Variants in TTL observed in about 807,000 individuals in gnomAD.
TTL encodes tubulin tyrosine ligase, also known as tubulin--tyrosine ligase.
Under a neutral mutation model 41.1 loss-of-function variants are expected in TTL, and 10 were observed. That is an observed-to-expected ratio of 0.24 (90% CI 0.15 to 0.41). The LOEUF (loss-of-function observed/expected upper bound fraction) is 0.41, where lower values mean the gene tolerates loss of function less well. TTL is among the 10% of genes least tolerant of loss of function. The probability of loss-of-function intolerance (pLI) is 1.00; values close to 1 mark genes in which losing one functional copy is unlikely to be tolerated. For synonymous variants in TTL, 175 were observed against 175.5 expected (o/e 1.00, Z 0.02); for missense variants, 367 against 460.4 (o/e 0.80, Z 1.86).
Position 112,541,095 on chromosome 2 carries a change from ACATCT to A in TTL, c.*12304_*12308del, listed in dbSNP as rs1682719464. 1 of 152,196 alleles carries A rather than the reference ACATCT, an allele frequency of 6.6e-6. No individual in the cohort carries two copies. The highest frequency in any genetic ancestry group is 2.1e-4 in the South Asian group (1 of 4,836). 9.4% of individuals were successfully genotyped at this position (152,196 alleles called of 1,614,324 possible). On this transcript the variant is annotated 3_prime_UTR_variant, in exon 7 of 7. Coordinates refer to ENST00000233336, the MANE Select transcript of TTL (RefSeq NM_153712.5). Reference sequence around the variant, plus strand: ...GATTACATCGTATGCCTATATGAAAACATCTCATATACCTCATAAATATGCTAATT... The same window carrying A: ...GATTACATCGTATGCCTATATGAAAACATATACCTCATAAATATGCTAATT...
chr2:112,517,156 CAAAAAAAAAAAA>C lies in TTL; in HGVS notation c.876-3114_876-3103del, dbSNP rs33990458. On this transcript the variant is annotated intron_variant, in intron 5 of 6. Transcript: ENST00000233336. ...TGTATTATTAATCTTGAGCTTTCAG[CAAAAAAAAAAAA>C]AAAAAAAAAAATTAGTTTTGATTTG... Among the ~76,000 whole-genome samples the C allele has an allele frequency of 1.6e-3, 174 of 105,614 alleles. 1 individual carries two copies. Among genetic ancestry groups the C allele is most frequent in the African/African-American group, 5.5e-3 (157 of 28,478 alleles). The allele number at this position is 105,614 out of a possible 152,430, so 69.3% of individuals were successfully genotyped here.
Position 112,532,581 on chromosome 2 carries a change from A to C in TTL, c.*3786A>C. The stretch of plus-strand genomic sequence containing the variant: ...CAGTGAACCATGTTCACACCACTGT[A>C]CTCTAGCTTGAGCAACAGAGCAAGA... On this transcript the variant is annotated 3_prime_UTR_variant, in exon 7 of 7. Coordinates refer to ENST00000233336, the MANE Select transcript of TTL (RefSeq NM_153712.5). 1 of 194,312 alleles carries C rather than the reference A, an allele frequency of 5.1e-6. No homozygotes were observed. Among genetic ancestry groups the C allele is most frequent in the Non-Finnish European group, 1.1e-5 (1 of 93,102 alleles). 12.0% of individuals were successfully genotyped at this position (194,312 alleles called of 1,614,324 possible). A position where few individuals can be genotyped will look rare whatever the true frequency, so the allele number is the denominator to read the frequency against.
rs1018002340 is a variant in TTL at position 112,541,166 on chromosome 2, A to G, written c.*12371A>G. 1.2e-4 allele frequency: 18 copies of G among 152,122 alleles called. No homozygotes were observed. The highest frequency in any genetic ancestry group is 4.3e-4 in the African/African-American group (18 of 41,396). The allele number at this position is 152,122 out of a possible 1,614,324, so 9.4% of individuals were successfully genotyped here. A position where few individuals can be genotyped will look rare whatever the true frequency, so the allele number is the denominator to read the frequency against. ...TTTTTTTAAATCCTCATGACCTTGG[A>G]TTACACAATGATGTCTTAGATATGA... On this transcript the variant is annotated 3_prime_UTR_variant, in exon 7 of 7. Coordinates refer to ENST00000233336, the MANE Select transcript of TTL (RefSeq NM_153712.5).
chr2:112,510,124 A>T (rs950319773), intron 5 of TTL, among the ~76,000 whole-genome samples: 1 of 151,356 alleles, frequency 6.6e-6, no homozygotes, highest in Non-Finnish European at 1.5e-5. Context: ...CTCTTTTTCT[A>T]GTTGTGCTTT....
intron 5 of TTL, among the ~76,000 whole-genome samples, chr2:112,510,784 CT>C (rs1157272080): frequency 9.2e-5 from 14 of 152,276 alleles, no homozygotes; most frequent in African/African-American, 3.4e-4. Context: ...ACAGATTTTG[CT>C]GTTTTCATTT....
intron 6 of TTL, among the ~76,000 whole-genome samples, chr2:112,527,055 T>G (rs915330069): frequency 2.0e-5 from 3 of 152,324 alleles, no homozygotes; most frequent in Admixed American, 2.0e-4. Context: ...ACCCAGTAGT[T>G]ATTCAGGAGC....
rs1374776833 is a variant in TTL at position 112,529,062 on chromosome 2, T to A, written c.*267T>A. Reference sequence around the variant, plus strand: ...AAGGCAGCTTTGTGAGCAGAGCTCCTTCCCCTCTCCCCGGGAACGGCAGGG... The same window carrying A: ...AAGGCAGCTTTGTGAGCAGAGCTCCATCCCCTCTCCCCGGGAACGGCAGGG... On this transcript the variant is annotated 3_prime_UTR_variant, in exon 7 of 7. Transcript: ENST00000233336. The A allele has an allele frequency of 3.9e-6, 2 of 507,878 alleles. No individual in the cohort carries two copies. The highest frequency in any genetic ancestry group is 6.6e-5 in the Admixed American group (2 of 30,362). The allele number at this position is 507,878 out of a possible 1,614,324, so 31.5% of individuals were successfully genotyped here. A position where few individuals can be genotyped will look rare whatever the true frequency, so the allele number is the denominator to read the frequency against.
At chr2:112,485,415 C>T (rs1297649781) in intron 1 of TTL, among the ~76,000 whole-genome samples, 2 of 152,236 alleles carry the variant, frequency 1.3e-5, no homozygotes, top group Non-Finnish European at 2.9e-5. Flanking sequence ...GACATGGCCT[C>T]TCCACTACCT....
At chr2:112,525,189 T>C (rs2104477609) in intron 6 of TTL, among the ~76,000 whole-genome samples, 1 of 152,374 alleles carries the variant, frequency 6.6e-6, no homozygotes, top group African/African-American at 2.4e-5. Flanking sequence ...TTTTGGTTAC[T>C]GTAGCCTTGT....
chr2:112,485,706 A>G (rs961189495), intron 1 of TTL, among the ~76,000 whole-genome samples: 4 of 152,226 alleles, frequency 2.6e-5, no homozygotes, highest in African/African-American at 9.6e-5. Context: ...TACGATGTTG[A>G]TATAATATCC....
At position 112,520,385 on chromosome 2, in the gene TTL, G is replaced by T; in HGVS notation, c.979G>T (p.Val327Leu). 6.2e-7 allele frequency: 1 copy of T among 1,614,138 alleles called. No individual in the cohort carries two copies. The highest frequency in any genetic ancestry group is 8.5e-7 in the Non-Finnish European group (1 of 1,180,040). The change falls in exon 6 of 7, where the codon GTG becomes TTG. Residue 327 changes from valine to leucine, a missense_variant. Physicochemically the swap from Val to Leu is conservative, Grantham distance 32 (BLOSUM62 1). Transcript: ENST00000233336. Reference protein sequence around the residue: ...FDFMVDEELKVWLIEVNGAPA... With the variant: ...FDFMVDEELKLWLIEVNGAPA... ...CTTCATGGTCGATGAGGAGCTGAAGGTGTGGCTCATTGAGGTCAACGGTGC... is the reference window on the plus strand; with the variant it reads ...CTTCATGGTCGATGAGGAGCTGAAGTTGTGGCTCATTGAGGTCAACGGTGC...
chr2:112,501,883 A>G (rs2104458429), intron 4 of TTL, among the ~76,000 whole-genome samples: 1 of 138,066 alleles, frequency 7.2e-6, no homozygotes, highest in Non-Finnish European at 1.6e-5. Context: ...AAAAAAAAAA[A>G]AATCTTTTCT....
At position 112,502,951 on chromosome 2, in the gene TTL, C is replaced by G; in HGVS notation, c.645C>G (p.Leu215=). ...TGGATCATCAGTATAATATCTACCT[C>G]TATAGAGAGGGTGTGCTTCGGACTG... The part of the protein sequence containing the change: ...VLVDHQYNIY[L]YREGVLRTAS... Residue 215 remains leucine, a synonymous_variant, in exon 5 of 7, where the codon CTC becomes CTG. Coordinates refer to ENST00000233336, the MANE Select transcript of TTL (RefSeq NM_153712.5). 1 of 1,614,008 alleles carries G rather than the reference C, an allele frequency of 6.2e-7. No individual in the cohort carries two copies. The highest frequency in any genetic ancestry group is 1.1e-5 in the South Asian group (1 of 91,072).
chr2:112,498,996 C>T (rs1308010336), intron 3 of TTL, among the ~76,000 whole-genome samples: 1 of 151,636 alleles, frequency 6.6e-6, no homozygotes, highest in Non-Finnish European at 1.5e-5. Flanking sequence ...GTACTTAATA[C>T]ACTGTAGTAT....
At chr2:112,489,444 G>T (rs143641865) in intron 2 of TTL, among the ~76,000 whole-genome samples, 1 of 152,236 alleles carries the variant, frequency 6.6e-6, no homozygotes, top group East Asian at 1.9e-4. Flanking sequence ...TTTTCTAGAA[G>T]AATTGATTTG....
In TTL at chr2:112,534,602, C is replaced by G. The variant is rs1473722616; in HGVS notation, c.*5807C>G. On this transcript the variant is annotated 3_prime_UTR_variant, in exon 7 of 7. Transcript: ENST00000233336. ...TAGGTCTTGTCTTTATTTGATGTGA[C>G]TAAGAGGTTACCCAGTGTGAACAAC... 1.3e-5 allele frequency: 2 copies of G among 152,140 alleles called. No homozygotes were observed. The highest frequency in any genetic ancestry group is 4.8e-5 in the African/African-American group (2 of 41,404). The allele number at this position is 152,140 out of a possible 1,614,324, so 9.4% of individuals were successfully genotyped here.
intron 2 of TTL, among the ~76,000 whole-genome samples, chr2:112,488,705 C>T (rs1681304652): frequency 6.6e-6 from 1 of 151,230 alleles, no homozygotes; most frequent in African/African-American, 2.4e-5. Flanking sequence ...TTGCAGTGAG[C>T]CGAGATCATG....
Position 112,535,409 on chromosome 2 carries a change from CAA to C in TTL, c.*6617_*6618del, listed in dbSNP as rs2104486021. ...AACATATACTGGAAGAAATAGTGGC[CAA>C]AACCTTTCCCACTTTGAGGAAAAAC... On this transcript the variant is annotated 3_prime_UTR_variant, in exon 7 of 7. Coordinates refer to ENST00000233336, the MANE Select transcript of TTL (RefSeq NM_153712.5). 6.6e-6 allele frequency: 1 copy of C among 152,174 alleles called. No homozygotes were observed. The highest frequency in any genetic ancestry group is 2.1e-4 in the South Asian group (1 of 4,824). 9.4% of individuals were successfully genotyped at this position (152,174 alleles called of 1,614,324 possible).
Position 112,484,940 on chromosome 2 carries a change from A to T in TTL, c.158-977A>T, listed in dbSNP as rs565271317. ...AGTGTGTTTTATTAAGATTTGAAAC[A>T]AAACATTTTTTATTTTATTTTATTT... On this transcript the variant is annotated intron_variant, in intron 1 of 6. Transcript: ENST00000233336. Among the ~76,000 whole-genome samples the T allele has an allele frequency of 1.9e-3, 282 of 152,326 alleles. 1 individual carries two copies. Among genetic ancestry groups the T allele is most frequent in the African/African-American group, 6.5e-3 (269 of 41,574 alleles).
Sources: allele counts gnomAD v4.1 joint callset (sites outside exome capture counted in the v4.1 genomes callset), GRCh38; gene constraint gnomAD v4.1.1; transcripts MANE v1.5; gene names NCBI Gene and HGNC (gene_info 2026-07-23, HGNC 2026-07-21).